The following MICAL2 variants were observed in gnomAD, a reference collection of about 807,000 sequenced individuals.
MICAL2 encodes microtubule associated monooxygenase, calponin and LIM domain containing 2.
A neutral mutation model predicts 127.3 loss-of-function variants in MICAL2; 77 were observed. The ratio of observed to expected loss-of-function variants is 0.60; its 90% CI spans 0.50 to 0.73. The LOEUF is 0.73. Ranked by LOEUF, MICAL2 falls within the 30% of genes least tolerant of loss-of-function variation. The pLI, the probability that MICAL2 is intolerant of heterozygous loss-of-function variation, is 0.00. For synonymous variants in MICAL2, 570 were observed against 551.1 expected (o/e 1.03, Z -0.48); for missense variants, 1,351 against 1,434.4 (o/e 0.94, Z 0.94).
At chr11:12,329,476 T>C (rs1750446989) in intron 32 of MICAL2, among the ~76,000 whole-genome samples, 1 of 152,138 alleles carries the variant, frequency 6.6e-6, no homozygotes, top group African/African-American at 2.4e-5. Flanking sequence ...AGAGGTGGCA[T>C]GGTGGGAAGT....
intron 2 of MICAL2, among the ~76,000 whole-genome samples, chr11:12,150,041 G>C (rs1328100512): frequency 1.3e-5 from 2 of 152,180 alleles, no homozygotes; most frequent in African/African-American, 4.8e-5. Context: ...CCTGTGAGGA[G>C]AAAACAGATT....
intron 2 of MICAL2, among the ~76,000 whole-genome samples, chr11:12,160,812 G>A (rs1274037140): frequency 8.5e-5 from 13 of 152,166 alleles, no homozygotes; most frequent in Non-Finnish European, 1.8e-4. Context: ...ACGTATTCCC[G>A]GCCCCTTGAG....
rs114404013 is a variant in MICAL2, at chr11:12,166,968, G to A, written c.264+4549G>A. ...GGAGTGTGTGGGGTGCGGGGAAAGG[G>A]TGAAAGCCGGAGAGAACAGAGTGGA... On this transcript the variant is annotated intron_variant, in intron 3 of 27. Coordinates refer to ENST00000683283, the MANE Select transcript of MICAL2 (RefSeq NM_001282663.2). Among the ~76,000 whole-genome samples the A allele has an allele frequency of 2.7e-3, 407 of 152,254 alleles. 2 individuals are homozygous for A. The highest frequency in any genetic ancestry group is 9.1e-3 in the African/African-American group (378 of 41,542).
intron 29 of MICAL2, among the ~76,000 whole-genome samples, chr11:12,317,939 A>T (rs960301969): frequency 1.3e-4 from 20 of 152,262 alleles, no homozygotes; most frequent in Non-Finnish European, 8.8e-5. Context: ...ATTTCAAAAG[A>T]AATTTCAATG....
chr11:12,124,494 C>T (rs1418131547), intron 1 of MICAL2, among the ~76,000 whole-genome samples: 1 of 152,206 alleles, frequency 6.6e-6, no homozygotes, highest in Middle Eastern at 3.2e-3. Context: ...TTCTCAGCTC[C>T]TCGAGGGCTC....
chr11:12,348,341 T>A (rs1386544529), intron 32 of MICAL2, among the ~76,000 whole-genome samples: 4 of 152,140 alleles, frequency 2.6e-5, no homozygotes, highest in Admixed American at 2.0e-4. Flanking sequence ...TGTGAAATAT[T>A]TTTTTCTGAA....
chr11:12,293,184 G>A (rs958192816), downstream of MICAL2, among the ~76,000 whole-genome samples: 1 of 152,132 alleles, frequency 6.6e-6, no homozygotes, highest in African/African-American at 2.4e-5. Context: ...AGAAAATGAA[G>A]AGCTTATCTT....
At chr11:12,200,458 G>A (rs951878976) in intron 3 of MICAL2, among the ~76,000 whole-genome samples, 3 of 152,136 alleles carry the variant, frequency 2.0e-5, no homozygotes, top group Admixed American at 6.5e-5. Flanking sequence ...TCCTCTGCCC[G>A]GGCACGTGGC....
At chr11:12,256,508 A>C in intron 23 of MICAL2, 1 of 344,372 alleles carries the variant, frequency 2.9e-6, no homozygotes, top group East Asian at 5.2e-5. Context: ...CTCCCACCCC[A>C]AAACCAGAGC....
chr11:12,159,091 C>A (rs76912914), intron 2 of MICAL2, among the ~76,000 whole-genome samples: 2,367 of 152,274 alleles, frequency 0.016, 61 homozygotes, highest in African/African-American at 0.055. Flanking sequence ...AACCATCTCC[C>A]TCCACCTCCC....
intron 21 of MICAL2, among the ~76,000 whole-genome samples, chr11:12,246,627 G>A (rs1411104463): frequency 6.6e-6 from 1 of 152,150 alleles, no homozygotes; most frequent in African/African-American, 2.4e-5. Context: ...TGGAGACAGG[G>A]TCTCTCTCTG....
chr11:12,256,820 A>T lies in MICAL2; in HGVS notation c.2991A>T (p.Gly997=), dbSNP rs771001549. The part of the protein sequence containing the change: ...SMRKSFPLNL[G]GSDTCYFCKK... ...GAAAGTCATTTCCCCTTAACCTGGG[A>T]GGCAGCGACACGTGTTACTTCTGTA... The change falls in exon 24 of 28, where the codon GGA becomes GGT. Residue 997 remains glycine, a synonymous_variant. Transcript: ENST00000683283. The T allele has an allele frequency of 1.7e-5, 28 of 1,613,698 alleles. No homozygotes were observed. Among genetic ancestry groups the T allele is most frequent in the South Asian group, 2.2e-5 (2 of 91,020 alleles).
chr11:12,323,610 C>T (rs1011760408), intron 30 of MICAL2, among the ~76,000 whole-genome samples: 7 of 151,892 alleles, frequency 4.6e-5, no homozygotes, highest in African/African-American at 1.7e-4. Flanking sequence ...CAGCTACAGA[C>T]CTACACATAC....
chr11:12,244,203 T>C (rs1860374405), intron 21 of MICAL2, 91 bp downstream of exon 21: 2 of 1,524,628 alleles, frequency 1.3e-6, no homozygotes, highest in African/African-American at 2.8e-5. Context: ...ATCTTGAGCC[T>C]GGCTTGGCTG....
chr11:12,251,588 A>G (rs1325963682), intron 22 of MICAL2, among the ~76,000 whole-genome samples: 3 of 146,126 alleles, frequency 2.1e-5, no homozygotes, highest in Non-Finnish European at 4.4e-5. Flanking sequence ...AAAAAAAAAA[A>G]AAAAAAAAAA....
At chr11:12,336,362 A>G (rs1004857377) in intron 32 of MICAL2, among the ~76,000 whole-genome samples, 41 of 152,208 alleles carry the variant, frequency 2.7e-4, no homozygotes, top group African/African-American at 9.2e-4. Flanking sequence ...GGCTGAGACA[A>G]TGGGGTTTTC....
intron 1 of MICAL2, among the ~76,000 whole-genome samples, chr11:12,118,500 A>G (rs10831738): frequency 0.7 from 106,820 of 152,066 alleles, 37,855 homozygotes; most frequent in East Asian, 0.93. Flanking sequence ...AGGGCTGCAG[A>G]GACTTGGCCA....
At chr11:12,358,573 A>G, downstream of MICAL2, 8 of 1,213,240 alleles carry the variant, frequency 6.6e-6, no homozygotes, top group Non-Finnish European at 8.8e-6. Context: ...AGGATTTATC[A>G]TCCCTGGAAC....
intron 2 of MICAL2, among the ~76,000 whole-genome samples, chr11:12,147,528 AAAAT>A (rs1343851785): frequency 6.6e-6 from 1 of 152,244 alleles, no homozygotes; most frequent in Non-Finnish European, 1.5e-5. Context: ...TGGGAAATAG[AAAAT>A]AAATTTAAAA....
Sources: allele counts gnomAD v4.1 joint callset (sites outside exome capture counted in the v4.1 genomes callset), GRCh38; gene constraint gnomAD v4.1.1; transcripts MANE v1.5; gene names NCBI Gene and HGNC (gene_info 2026-07-23, HGNC 2026-07-21).